ABCD3: variants seen among roughly 807,000 people sequenced by gnomAD.
ABCD3 encodes the protein ATP-binding cassette sub-family D member 3.
Under a neutral mutation model 105.5 loss-of-function variants are expected in ABCD3, and 41 were observed. The observed-to-expected ratio is 0.39, with a 90% CI of 0.30 to 0.50. The LOEUF (loss-of-function observed/expected upper bound fraction) is 0.50, where lower values mean the gene tolerates loss of function less well. Among genes scored for constraint, ABCD3 ranks in the 20% least tolerant of loss-of-function variants. The pLI, the probability that ABCD3 is intolerant of heterozygous loss-of-function variation, is 0.84. For synonymous variants in ABCD3, 258 were observed against 269.0 expected (o/e 0.96, Z 0.40); for missense variants, 622 against 806.3 (o/e 0.77, Z 2.77).
At chr1:94,417,597 T>A (rs1659071734), upstream of ABCD3, among the ~76,000 whole-genome samples, 1 of 152,238 alleles carries the variant, frequency 6.6e-6, no homozygotes, top group Non-Finnish European at 1.5e-5. Flanking sequence ...CTTCTGAATG[T>A]CCCTTTGCAA....
the ABCD3 span, among the ~76,000 whole-genome samples, chr1:94,410,504 G>T: frequency 5.3e-4 from 80 of 152,102 alleles, no homozygotes; most frequent in Admixed American, 5.2e-3. Flanking sequence ...CTTCACTGGG[G>T]TTGGTAGATG....
the ABCD3 span, among the ~76,000 whole-genome samples, chr1:94,407,381 C>G: frequency 6.6e-6 from 1 of 152,094 alleles, no homozygotes; most frequent in African/African-American, 2.4e-5. Flanking sequence ...AACTCCTGAT[C>G]TCAGGTGATC....
intron 20 of ABCD3, among the ~76,000 whole-genome samples, chr1:94,504,418 C>T (rs1650253763): frequency 6.6e-6 from 1 of 152,172 alleles, no homozygotes; most frequent in African/African-American, 2.4e-5. Flanking sequence ...AGAGGTGTTA[C>T]AGAAAGGACC....
chr1:94,464,763 T>A lies in ABCD3; in HGVS notation c.148-12T>A, dbSNP rs371908417. 3 of 1,609,488 alleles carry A rather than the reference T, an allele frequency of 1.9e-6. No homozygotes were observed. The highest frequency in any genetic ancestry group is 2.6e-6 in the Non-Finnish European group (3 of 1,175,836). On this transcript the variant is annotated splice_polypyrimidine_tract_variant and intron_variant, in intron 2 of 22. Coordinates refer to ENST00000370214, the MANE Select transcript of ABCD3 (RefSeq NM_002858.4). ...ATAGCTATCTTAAAAGGGCTTCTTTTTTTTAATGCAGAAAGAGGGGAAAAA... is the reference window on the plus strand; with the variant it reads ...ATAGCTATCTTAAAAGGGCTTCTTTATTTTAATGCAGAAAGAGGGGAAAAA...
intron 2 of ABCD3, among the ~76,000 whole-genome samples, chr1:94,462,024 G>A (rs1426083255): frequency 1.3e-5 from 2 of 152,136 alleles, no homozygotes; most frequent in African/African-American, 2.4e-5. Flanking sequence ...GGTGATTGAC[G>A]TATCAATAGG....
chr1:94,473,931 T>C, intron 5 of ABCD3, 96 bp downstream of exon 5: 6 of 895,440 alleles, frequency 6.7e-6, no homozygotes, highest in Middle Eastern at 2.9e-4. Flanking sequence ...TAAAGACTTA[T>C]GATACTAAGT....
At chr1:94,393,456 T>G in the ABCD3 span, among the ~76,000 whole-genome samples, 1 of 151,922 alleles carries the variant, frequency 6.6e-6, no homozygotes, top group Non-Finnish European at 1.5e-5. Context: ...CTGGTCAAGG[T>G]GGTAAAACCC....
chr1:94,509,950 TC>T (rs1242153802), intron 21 of ABCD3, among the ~76,000 whole-genome samples: 1 of 152,190 alleles, frequency 6.6e-6, no homozygotes, highest in Non-Finnish European at 1.5e-5. Flanking sequence ...GCTCCTGGAT[TC>T]ATTAATTTTT....
At position 94,506,627 on chromosome 1, in the gene ABCD3, T is replaced by C. The variant is rs749569795; in HGVS notation, c.1830T>C (p.Tyr610=). The part of the protein sequence containing the change: ...AVSVDVEGYI[Y]SHCRKVGITL... The stretch of plus-strand genomic sequence containing the variant: ...GTGTCGACGTGGAAGGCTACATTTA[T>C]AGTCATTGTCGAAAGGTAAGTACGC... The change falls in exon 21 of 23, where the codon TAT becomes TAC. Residue 610 remains tyrosine (Y), a synonymous_variant. Transcript: ENST00000370214. 1.2e-6 allele frequency: 2 copies of C among 1,612,288 alleles called. No individual in the cohort carries two copies. The highest frequency in any genetic ancestry group is 1.3e-5 in the African/African-American group (1 of 74,826).
chr1:94,515,071 C>CGTTA, intron 21 of ABCD3, 75 bp from the exon 22 acceptor site: 2 of 1,174,492 alleles, frequency 1.7e-6, no homozygotes, highest in East Asian at 4.7e-5. Flanking sequence ...GTCCTCTTAA[C>CGTTA]AGCTTAAAGT....
At chr1:94,502,740 T>C (rs1186574220) in intron 20 of ABCD3, among the ~76,000 whole-genome samples, 1 of 152,074 alleles carries the variant, frequency 6.6e-6, no homozygotes, top group Non-Finnish European at 1.5e-5. Flanking sequence ...CCTCAAGTGA[T>C]CCACCTGCTT....
At chr1:94,504,910 C>G (rs978861112) in intron 20 of ABCD3, among the ~76,000 whole-genome samples, 11 of 152,062 alleles carry the variant, frequency 7.2e-5, no homozygotes, top group African/African-American at 2.7e-4. Flanking sequence ...CTTCACATTT[C>G]TTTCTTGAAT....
upstream of ABCD3, among the ~76,000 whole-genome samples, chr1:94,418,111 G>T (rs1429273887): frequency 6.6e-6 from 1 of 152,192 alleles, no homozygotes; most frequent in Non-Finnish European, 1.5e-5. Flanking sequence ...TGTGAAAGCC[G>T]GGGTGTGCGC....
intron 1 of ABCD3, among the ~76,000 whole-genome samples, chr1:94,438,532 A>G (rs372052843): frequency 2.8e-4 from 42 of 152,286 alleles, no homozygotes; most frequent in African/African-American, 9.4e-4. Flanking sequence ...TGAAAGTTCT[A>G]TTGTGTAAAA....
At chr1:94,454,553 T>C (rs1647447388) in intron 1 of ABCD3, among the ~76,000 whole-genome samples, 1 of 152,000 alleles carries the variant, frequency 6.6e-6, no homozygotes, top group Non-Finnish European at 1.5e-5. Flanking sequence ...AGATAGTTGA[T>C]TTTGTGGTTT....
chr1:94,422,632 C>T (rs972524046), intron 1 of ABCD3, among the ~76,000 whole-genome samples: 34 of 152,160 alleles, frequency 2.2e-4, no homozygotes, highest in African/African-American at 7.7e-4. Flanking sequence ...TTCCCTAGTT[C>T]GGCTCTGTCA....
chr1:94,385,266 T>C, the ABCD3 span, among the ~76,000 whole-genome samples: 2 of 152,176 alleles, frequency 1.3e-5, no homozygotes, highest in East Asian at 1.9e-4. Context: ...AATGAGGTTA[T>C]CTTGGAACTG....
intron 2 of ABCD3, among the ~76,000 whole-genome samples, chr1:94,461,158 A>G (rs1647848788): frequency 6.6e-6 from 1 of 152,146 alleles, no homozygotes; most frequent in African/African-American, 2.4e-5. Flanking sequence ...AGGATATGTA[A>G]CAAAGGCAGT....
intron 20 of ABCD3, among the ~76,000 whole-genome samples, chr1:94,501,406 A>C (rs1490413045): frequency 2.0e-5 from 3 of 152,070 alleles, no homozygotes; most frequent in African/African-American, 7.2e-5. Context: ...TGTAAAAGAG[A>C]GCCTGTTGTT....
Sources: gnomAD v4.1 joint callset for allele counts (sites outside exome capture counted in the v4.1 genomes callset) on GRCh38, gnomAD v4.1.1 for gene constraint, MANE v1.5 for transcripts, NCBI Gene and HGNC (gene_info 2026-07-23, HGNC 2026-07-21) for gene names.